CTTN: variants seen among roughly 807,000 people sequenced by gnomAD.
CTTN encodes src substrate cortactin.
CTTN carries 28 observed loss-of-function variants against 84.0 expected under a neutral mutation model. That is an observed-to-expected ratio of 0.33 (90% CI 0.25 to 0.46). CTTN has a LOEUF of 0.46. Among genes scored for constraint, CTTN ranks in the 20% least tolerant of loss-of-function variants. The pLI is 1.00. For synonymous variants in CTTN, 301 were observed against 288.8 expected, an observed-to-expected ratio of 1.04 and a Z score of -0.43; for missense variants, 641 against 723.8, an observed-to-expected ratio of 0.89 and a Z score of 1.31.
At chr11:70,431,414 C>A in intron 15 of CTTN, 134 bp downstream of exon 15, 1 of 903,636 alleles carries the variant, frequency 1.1e-6, no homozygotes, top group East Asian at 2.6e-5. Flanking sequence ...ATTCCACGCC[C>A]GGAGAGGGGT....
chr11:70,435,201 C>A lies in CTTN; in HGVS notation c.*39C>A. 6.4e-7 allele frequency: 1 copy of A among 1,564,628 alleles called. No homozygotes were observed. On this transcript the variant is annotated 3_prime_UTR_variant, in exon 18 of 18. Coordinates refer to ENST00000301843, the MANE Select transcript of CTTN (RefSeq NM_005231.4). Reference sequence around the variant, plus strand: ...CCCCCGGAGCTGCGCCCTGGATCCTCACACTACAGATCAGGCCTTCTTTGG... The same window carrying A: ...CCCCCGGAGCTGCGCCCTGGATCCTAACACTACAGATCAGGCCTTCTTTGG...
rs1262324884 is a variant in CTTN at position 70,433,257 on chromosome 11, G to A, written c.1423G>A (p.Ala475Thr). Residue 475 changes from alanine to threonine, a missense_variant, in exon 16 of 18, where the codon GCC becomes ACC. Physicochemically the swap from Ala to Thr is moderately conservative, Grantham distance 58. Around this residue, in one of 3 missense-constraint regions of CTTN, gnomAD observed 289 missense variants for 273.1 expected, o/e 1.06. Transcript: ENST00000301843. ...ATEAVYESAE[A>T]PGHYPAEDST... is the part of the protein sequence containing the mutation. ...AGAGGCTGTCTATGAAAGCGCAGAGGCCCCGGGCCACTATCCCGCAGGTAC... is the reference window on the plus strand; with the variant it reads ...AGAGGCTGTCTATGAAAGCGCAGAGACCCCGGGCCACTATCCCGCAGGTAC... The A allele has an allele frequency of 6.2e-7, 1 of 1,611,644 alleles. No individual in the cohort carries two copies. Among genetic ancestry groups the A allele is most frequent in the South Asian group, 1.1e-5 (1 of 91,030 alleles).
rs577441038 is a variant in CTTN at position 70,433,931 on chromosome 11, C to G, written c.1516+213C>G. On this transcript the variant is annotated intron_variant, in intron 17 of 17. Coordinates refer to ENST00000301843, the MANE Select transcript of CTTN (RefSeq NM_005231.4). ...TCTCTGCACACACACGCACACACCC[C>G]CTGTTATCTTTAGTATTCTCTGAAC... Among the ~76,000 whole-genome samples, 50 of 152,318 alleles carry G rather than the reference C, an allele frequency of 3.3e-4. No individual in the cohort carries two copies. In the South Asian group the frequency reaches 8.1e-3, roughly 25 times the overall value.
At chr11:70,418,408 T>TCCAGGGAG (rs985061178) in intron 8 of CTTN, among the ~76,000 whole-genome samples, 8 of 152,222 alleles carry the variant, frequency 5.3e-5, no homozygotes, top group African/African-American at 1.9e-4. Flanking sequence ...AGTGTGTGAC[T>TCCAGGGAG]CCAGGGAGCC....
At chr11:70,422,544 G>A in intron 11 of CTTN, 3 of 1,295,312 alleles carry the variant, frequency 2.3e-6, no homozygotes, top group Non-Finnish European at 3.0e-6. Flanking sequence ...TCTTTTTAGC[G>A]CTCAGTAGAG....
chr11:70,422,919 T>G (rs1314765939), intron 11 of CTTN, 21 bp from the exon 12 acceptor site: 5 of 1,614,092 alleles, frequency 3.1e-6, no homozygotes, highest in Non-Finnish European at 4.2e-6. Context: ...AGAGTAAGTG[T>G]TGTGTTTTGC....
chr11:70,435,517 G>A lies in CTTN; in HGVS notation c.*355G>A, dbSNP rs1333182014. 45 of 1,560,474 alleles carry A rather than the reference G, an allele frequency of 2.9e-5. No individual in the cohort carries two copies. Among genetic ancestry groups the A allele is most frequent in the Non-Finnish European group, 3.8e-5 (44 of 1,160,446 alleles). On this transcript the variant is annotated 3_prime_UTR_variant, in exon 18 of 18. Transcript: ENST00000301843. ...TTCGTGTTGCCCTCGTGCCCATCAA[G>A]TGCAGTCGGGACCTCCCAGGACAAG...
At chr11:70,418,563 G>C (rs1205046947) in intron 8 of CTTN, among the ~76,000 whole-genome samples, 1 of 152,180 alleles carries the variant, frequency 6.6e-6, no homozygotes, top group Non-Finnish European at 1.5e-5. Flanking sequence ...ATGCTAAATG[G>C]CTTCATTCTG....
intron 13 of CTTN, among the ~76,000 whole-genome samples, chr11:70,426,488 G>A (rs1264538573): frequency 6.6e-6 from 1 of 152,050 alleles, no homozygotes; most frequent in Non-Finnish European, 1.5e-5. Context: ...GTGTCATCCA[G>A]GCAGGACTGC....
chr11:70,424,124 G>A (rs993506897), intron 12 of CTTN, among the ~76,000 whole-genome samples: 9 of 152,136 alleles, frequency 5.9e-5, no homozygotes, highest in Non-Finnish European at 7.4e-5. Flanking sequence ...GGCCGGGTCC[G>A]GGTGGCGTGC....
chr11:70,429,258 G>A (rs2058330229), intron 14 of CTTN, 59 bp downstream of exon 14: 1 of 1,553,526 alleles, frequency 6.4e-7, no homozygotes, highest in Admixed American at 1.9e-5. Flanking sequence ...CGAGGGGATT[G>A]GGAGCTCTGG....
intron 5 of CTTN, among the ~76,000 whole-genome samples, chr11:70,412,094 G>A (rs544073653): frequency 2.0e-5 from 3 of 152,260 alleles, no homozygotes; most frequent in African/African-American, 7.2e-5. Flanking sequence ...CCAGGTTAGC[G>A]CTCAGCTCAG....
At position 70,409,972 on chromosome 11, in the gene CTTN, G is replaced by A. The variant is rs369193987; in HGVS notation, c.291+12G>A. On this transcript the variant is annotated intron_variant, in intron 5 of 17. Coordinates refer to ENST00000301843, the MANE Select transcript of CTTN (RefSeq NM_005231.4). ...ACCGAATGGATAAGGTAAGTGGCCC[G>A]CGGCTGCCTATGCCAGGCTCCTGGT... 1.5e-5 allele frequency: 25 copies of A among 1,613,792 alleles called. No individual in the cohort carries two copies. Among genetic ancestry groups the A allele is most frequent in the African/African-American group, 1.3e-4 (10 of 75,054 alleles).
At chr11:70,416,313 A>C (rs1235419437) in intron 7 of CTTN, 1 of 152,964 alleles carries the variant, frequency 6.5e-6, no homozygotes, top group Non-Finnish European at 1.5e-5. Flanking sequence ...GTCTCGGTGC[A>C]GTCTAGGTGG....
intron 6 of CTTN, among the ~76,000 whole-genome samples, chr11:70,415,365 T>C (rs1327386465): frequency 6.6e-6 from 1 of 152,194 alleles, no homozygotes; most frequent in African/African-American, 2.4e-5. Context: ...AAGCGAGTTT[T>C]TGTGAAGCCC....
At position 70,435,199 on chromosome 11, in the gene CTTN, CTCACACTACAGATCAGGCCTTCT is replaced by C. The variant is rs768117056; in HGVS notation, c.*39_*61del. On this transcript the variant is annotated 3_prime_UTR_variant, in exon 18 of 18. Transcript: ENST00000301843. ...CCCCCCCGGAGCTGCGCCCTGGATC[CTCACACTACAGATCAGGCCTTCT>C]TTGGTTCTTGGGTGGTTTTGGGTTT... is the stretch of plus-strand genomic sequence containing the variant. The C allele has an allele frequency of 2.6e-5, 41 of 1,573,124 alleles. No individual in the cohort carries two copies. Among genetic ancestry groups the C allele is most frequent in the Non-Finnish European group, 3.3e-5 (39 of 1,165,252 alleles).
intron 5 of CTTN, among the ~76,000 whole-genome samples, chr11:70,412,674 G>A (rs2058107740): frequency 6.6e-6 from 1 of 152,102 alleles, no homozygotes. Flanking sequence ...TTTCCCTTGC[G>A]GCCAGCGGTG....
rs1309602210 is a variant in CTTN at position 70,435,320 on chromosome 11, T to C, written c.*158T>C. 1 of 1,385,498 alleles carries C rather than the reference T, an allele frequency of 7.2e-7. No individual in the cohort carries two copies. Among genetic ancestry groups the C allele is most frequent in the African/African-American group, 1.5e-5 (1 of 66,944 alleles). The allele number at this position is 1,385,498 out of a possible 1,614,324, so 85.8% of individuals were successfully genotyped here. ...ATATACACATTGCTTTTATATTTAATACTTTTGCTGATGCTTTTGAAAATG... is the reference window on the plus strand; with the variant it reads ...ATATACACATTGCTTTTATATTTAACACTTTTGCTGATGCTTTTGAAAATG... On this transcript the variant is annotated 3_prime_UTR_variant, in exon 18 of 18. Coordinates refer to ENST00000301843, the MANE Select transcript of CTTN (RefSeq NM_005231.4).
intron 1 of CTTN, among the ~76,000 whole-genome samples, chr11:70,401,395 G>C (rs756481586): frequency 6.6e-6 from 1 of 152,126 alleles, no homozygotes; most frequent in African/African-American, 2.4e-5. Context: ...AGAATCGCTT[G>C]AACCTGCGAA....
Sources: gnomAD v4.1 joint callset for allele counts (sites outside exome capture counted in the v4.1 genomes callset) on GRCh38, gnomAD v4.1.1 for gene constraint, gnomAD v4.1.1 regional missense constraint, MANE v1.5 for transcripts, NCBI Gene and HGNC (gene_info 2026-07-23, HGNC 2026-07-21) for gene names.